PEX10: variants seen among roughly 807,000 people sequenced by gnomAD.
The protein encoded by PEX10 is peroxisome biogenesis factor 10.
In PEX10, 32 loss-of-function variants were observed where a neutral mutation model predicts 38.0. The ratio of observed to expected loss-of-function variants is 0.84; its 90% CI spans 0.63 to 1.13. The LOEUF (loss-of-function observed/expected upper bound fraction) is 1.13. PEX10 is among the 50% of genes most tolerant of loss of function. PEX10 has a pLI of 0.00. For synonymous variants in PEX10, 206 were observed against 207.3 expected (o/e 0.99, Z 0.05); for missense variants, 483 against 457.7 (o/e 1.06, Z -0.51).
chr1:2,407,047 G>T, intron 3 of PEX10, 152 bp from the exon 4 acceptor site: 1 of 1,112,044 alleles, frequency 9.0e-7, no homozygotes. Context: ...GATCAAGCCA[G>T]GGGGCAGGTT....
chr1:2,413,742 G>C (rs990325260), upstream of PEX10: 12 of 152,432 alleles, frequency 7.9e-5, no homozygotes, highest in African/African-American at 2.9e-4. Flanking sequence ...TCAGTGGGGA[G>C]GGCCTCCAGT....
Position 2,405,851 on chromosome 1 carries a change from G to T in PEX10, c.913-17C>A. 6.3e-7 allele frequency: 1 copy of T among 1,578,030 alleles called. No homozygotes were observed. The highest frequency in any genetic ancestry group is 1.2e-5 in the South Asian group (1 of 86,212). Reference sequence around the variant, plus strand: ...ACACTCCGCCTGCGGAGAGGAGAAAGGGGGTCACAGCAGCTGGGGCCACTG... The same window carrying T: ...ACACTCCGCCTGCGGAGAGGAGAAATGGGGTCACAGCAGCTGGGGCCACTG... On this transcript the variant is annotated splice_polypyrimidine_tract_variant and intron_variant, in intron 5 of 5. Transcript: ENST00000447513.
intron 2 of PEX10, 48 bp from the exon 3 acceptor site, chr1:2,408,906 G>C (rs766765054): frequency 6.3e-7 from 1 of 1,593,948 alleles, no homozygotes; most frequent in Admixed American, 1.7e-5. Context: ...GCTGCCGCGG[G>C]GACAGGCTCC....
At position 2,410,090 on chromosome 1, in the gene PEX10, G is replaced by A. The variant is rs1643138813; in HGVS notation, c.193+281C>T. The A allele has an allele frequency of 1.1e-5, 5 of 441,946 alleles. No homozygotes were observed. The highest frequency in any genetic ancestry group is 1.0e-4 in the South Asian group (5 of 48,734). The allele number at this position is 441,946 out of a possible 1,614,324, so 27.4% of individuals were successfully genotyped here. On this transcript the variant is annotated intron_variant, in intron 2 of 5. Coordinates refer to ENST00000447513, the MANE Select transcript of PEX10 (RefSeq NM_002617.4). The surrounding 1 kb of genome is among the most constrained non-coding windows in gnomAD (Gnocchi z 5.1). The stretch of plus-strand genomic sequence containing the variant: ...CATGGCTCAGCACTGTGACTCACTG[G>A]TGCCACCAGGGCTGGCCACTGAGAA...
At chr1:2,406,196 CG>C (rs1258698709) in intron 5 of PEX10, among the ~76,000 whole-genome samples, 4 of 152,120 alleles carry the variant, frequency 2.6e-5, no homozygotes, top group Non-Finnish European at 5.9e-5. Context: ...GTGAGGACCC[CG>C]GGAGGAAGGG....
At chr1:2,405,857 C>A in intron 5 of PEX10, 23 bp from the exon 6 acceptor site, 1 of 1,572,322 alleles carries the variant, frequency 6.4e-7, no homozygotes, top group Non-Finnish European at 8.6e-7. Context: ...GAAAGGGGGT[C>A]ACAGCAGCTG....
chr1:2,404,598 C>T lies in PEX10; in HGVS notation c.*1168G>A, dbSNP rs548318428. On this transcript the variant is annotated 3_prime_UTR_variant, in exon 6 of 6. Transcript: ENST00000447513. Reference sequence around the variant, plus strand: ...TCACGGCCCCCCCGCCCTCCTCCGTCTCTGGCAAGCTGACCTTGACTAACC... The same window carrying T: ...TCACGGCCCCCCCGCCCTCCTCCGTTTCTGGCAAGCTGACCTTGACTAACC... 2.0e-5 allele frequency: 3 copies of T among 152,406 alleles called. No homozygotes were observed. The South Asian group carries it at 6.2e-4, about 32-fold the overall frequency. The allele number at this position is 152,406 out of a possible 1,614,324, so 9.4% of individuals were successfully genotyped here.
At position 2,412,523 on chromosome 1, in the gene PEX10, C is replaced by A; in HGVS notation, c.-21G>T. ...GCCATGGCCGCGGGTTCGGGTGGTCCCGAGCAGCCACGCCGGCCACGCCCA... is the reference window on the plus strand; with the variant it reads ...GCCATGGCCGCGGGTTCGGGTGGTCACGAGCAGCCACGCCGGCCACGCCCA... On this transcript the variant is annotated 5_prime_UTR_variant, in exon 1 of 6. Coordinates refer to ENST00000447513, the MANE Select transcript of PEX10 (RefSeq NM_002617.4). The A allele has an allele frequency of 7.5e-7, 1 of 1,330,160 alleles. No individual in the cohort carries two copies. Among genetic ancestry groups the A allele is most frequent in the Non-Finnish European group, 9.6e-7 (1 of 1,044,464 alleles). 82.4% of individuals were successfully genotyped at this position (1,330,160 alleles called of 1,614,324 possible).
rs140107510 is a variant in PEX10, at chr1:2,406,875, G to C, written c.621C>G (p.Pro207=). Residue 207 remains proline (P), a synonymous_variant, in exon 4 of 6, where the codon CCC becomes CCG. Transcript: ENST00000447513. The part of the protein sequence containing the change: ...GITYLRVRSL[P]GEDLRARVSY... ...TAACACGGGCCCTCAGGTCCTCTCCGGGCAGGCTGCGGACACGGAGCTGTA... is the reference window on the plus strand; with the variant it reads ...TAACACGGGCCCTCAGGTCCTCTCCCGGCAGGCTGCGGACACGGAGCTGTA... The C allele has an allele frequency of 6.7e-4, 1,085 of 1,609,238 alleles. 9 individuals are homozygous for C. In the African/African-American group the frequency reaches 0.012, roughly 17 times the overall value.
Position 2,412,372 on chromosome 1 carries a change from G to A in PEX10, c.112+19C>T. The A allele has an allele frequency of 1.5e-6, 2 of 1,358,438 alleles. No individual in the cohort carries two copies. The highest frequency in any genetic ancestry group is 1.9e-6 in the Non-Finnish European group (2 of 1,061,486). 84.1% of individuals were successfully genotyped at this position (1,358,438 alleles called of 1,614,324 possible). On this transcript the variant is annotated intron_variant, in intron 1 of 5. Transcript: ENST00000447513. ...CCCTGGGCCGCTCGCGAGGACGTCC[G>A]GCCGCGCCCGGCCCTCACCCGCCAG... is the stretch of plus-strand genomic sequence containing the variant.
chr1:2,412,727 G>C (rs1008372541), upstream of PEX10, among the ~76,000 whole-genome samples: 1 of 151,848 alleles, frequency 6.6e-6, no homozygotes, highest in African/African-American at 2.4e-5. Context: ...GAAGGTAGTC[G>C]GAGGCGCAGG....
rs1387719595 is a variant in PEX10, at chr1:2,409,297, G to A, written c.194-439C>T. On this transcript the variant is annotated intron_variant, in intron 2 of 5. Coordinates refer to ENST00000447513, the MANE Select transcript of PEX10 (RefSeq NM_002617.4). This position sits in a 1 kb window ranked among gnomAD's most constrained non-coding sequence, Gnocchi z 6.2. ...TTGTGAGTGCCAGCCATGCAGGTCCGCCACCTACCTGACATCGCCATGTAT... is the reference window on the plus strand; with the variant it reads ...TTGTGAGTGCCAGCCATGCAGGTCCACCACCTACCTGACATCGCCATGTAT... 5.3e-5 allele frequency among the ~76,000 whole-genome samples: 8 copies of A among 152,150 alleles called. No individual in the cohort carries two copies. Among genetic ancestry groups the A allele is most frequent in the South Asian group, 4.1e-4 (2 of 4,824 alleles).
chr1:2,412,875 C>G (rs1477399304), upstream of PEX10, among the ~76,000 whole-genome samples: 1 of 152,218 alleles, frequency 6.6e-6, no homozygotes, highest in Non-Finnish European at 1.5e-5. Flanking sequence ...GGGGCCCCTG[C>G]TCTGCTCCCT....
chr1:2,408,823 T>C lies in PEX10; in HGVS notation c.229A>G (p.Ile77Val). 1 of 1,614,060 alleles carries C rather than the reference T, an allele frequency of 6.2e-7. No individual in the cohort carries two copies. The highest frequency in any genetic ancestry group is 8.5e-7 in the Non-Finnish European group (1 of 1,179,956). The stretch of plus-strand genomic sequence containing the variant: ...TGTATCCGCGATGGGTCCACCTGGA[T>C]GATGCTGACGTACTCCTCCCCCAGG... Reference protein sequence around the residue: ...QTLGEEYVSIIQVDPSRIHVP... With the variant: ...QTLGEEYVSIVQVDPSRIHVP... The change falls in exon 3 of 6, where the codon ATC (isoleucine) becomes GTC (valine). Residue 77 changes from isoleucine (I) to valine (V), a missense_variant. Physicochemically the swap from Ile to Val is conservative, Grantham distance 29. Coordinates refer to ENST00000447513, the MANE Select transcript of PEX10 (RefSeq NM_002617.4).
rs576809614 is a variant in PEX10 at position 2,409,055 on chromosome 1, A to G, written c.194-197T>C. On this transcript the variant is annotated intron_variant, in intron 2 of 5. Transcript: ENST00000447513. This position sits in a 1 kb window ranked among gnomAD's most constrained non-coding sequence, Gnocchi z 6.2. ...AGCCCACTGTGAGCTCAGGCAGCAC[A>G]TGACAGGCCCGGCCAATGGCTGCCC... is the stretch of plus-strand genomic sequence containing the variant. Among the ~76,000 whole-genome samples, 4 of 152,278 alleles carry G rather than the reference A, an allele frequency of 2.6e-5. No individual in the cohort carries two copies. Among genetic ancestry groups the G allele is most frequent in the African/African-American group, 7.2e-5 (3 of 41,552 alleles).
rs144264865 is a variant in PEX10, at chr1:2,406,922, T to C, written c.601-27A>G. The C allele has an allele frequency of 1.8e-4, 289 of 1,602,252 alleles. 1 individual carries two copies. In the African/African-American group the frequency reaches 3.2e-3, roughly 18 times the overall value. ...TGTAAGGCAGATGGCGCCACACTCA[T>C]CAGGACCCTGAGGGGATCTGGCCTC... On this transcript the variant is annotated intron_variant, in intron 3 of 5. Transcript: ENST00000447513.
At position 2,405,453 on chromosome 1, in the gene PEX10, C is replaced by T. The variant is rs1642967528; in HGVS notation, c.*313G>A. On this transcript the variant is annotated 3_prime_UTR_variant, in exon 6 of 6. Coordinates refer to ENST00000447513, the MANE Select transcript of PEX10 (RefSeq NM_002617.4). Reference sequence around the variant, plus strand: ...TCTGGCCTACTTCTGAATTACTTCTCAACTGTATGGTTTGGGGAAGGGAGG... The same window carrying T: ...TCTGGCCTACTTCTGAATTACTTCTTAACTGTATGGTTTGGGGAAGGGAGG... 2.0e-6 allele frequency: 1 copy of T among 511,160 alleles called. No homozygotes were observed. Among genetic ancestry groups the T allele is most frequent in the Non-Finnish European group, 3.6e-6 (1 of 279,380 alleles). 31.7% of individuals were successfully genotyped at this position (511,160 alleles called of 1,614,324 possible).
intron 4 of PEX10, 42 bp from the exon 5 acceptor site, chr1:2,406,661 C>G: frequency 6.2e-7 from 1 of 1,612,304 alleles, no homozygotes; most frequent in South Asian, 1.1e-5. Context: ...GTGCACCTTA[C>G]AGGTCCTTGT....
intron 2 of PEX10, 94 bp from the exon 3 acceptor site, chr1:2,408,952 G>C: frequency 8.0e-7 from 1 of 1,245,450 alleles, no homozygotes; most frequent in Non-Finnish European, 1.2e-6. Flanking sequence ...GCTGGCTCCT[G>C]TCAACAGCCC....
Sources: allele counts gnomAD v4.1 joint callset (sites outside exome capture counted in the v4.1 genomes callset), GRCh38; gene constraint gnomAD v4.1.1; non-coding constraint Gnocchi (gnomAD v3.1); transcripts MANE v1.5; gene names NCBI Gene and HGNC (gene_info 2026-07-23, HGNC 2026-07-21).